ADRA1B: variants seen among roughly 807,000 people sequenced by gnomAD.
The protein encoded by ADRA1B is adrenoceptor alpha 1B, also known as alpha-1B adrenergic receptor.
ADRA1B carries 17 observed loss-of-function variants against 17.9 expected under a neutral mutation model. The observed-to-expected ratio is 0.95, with a 90% confidence interval of 0.65 to 1.42. The LOEUF is 1.42. Ranked by LOEUF, ADRA1B falls within the 40% of genes most tolerant of loss-of-function variation. The probability of loss-of-function intolerance (pLI) is 0.00; values close to 1 mark genes in which losing one functional copy is unlikely to be tolerated. For synonymous variants in ADRA1B, 366 were observed against 327.6 expected (o/e 1.12, Z -1.27); for missense variants, 681 against 722.1 (o/e 0.94, Z 0.65).
intron 1 of ADRA1B, among the ~76,000 whole-genome samples, chr5:159,961,692 G>A (rs1423811660): frequency 1.4e-4 from 22 of 152,268 alleles, no homozygotes; most frequent in Non-Finnish European, 4.4e-5. Context: ...GATCAAAACA[G>A]TTTCTCCACC....
intron 1 of ADRA1B, among the ~76,000 whole-genome samples, chr5:159,946,075 G>C (rs1755266052): frequency 6.6e-6 from 1 of 152,188 alleles, no homozygotes; most frequent in Non-Finnish European, 1.5e-5. Context: ...ACTTCATTGG[G>C]TAAGTGGAGG....
chr5:159,935,486 A>C (rs1162178037), intron 1 of ADRA1B, among the ~76,000 whole-genome samples: 5 of 150,912 alleles, frequency 3.3e-5, no homozygotes, highest in African/African-American at 1.2e-4. Context: ...CATCTCATTC[A>C]CCTCTCTCCT....
chr5:159,906,456 G>T (rs1754161683), intron 1 of ADRA1B, among the ~76,000 whole-genome samples: 1 of 152,180 alleles, frequency 6.6e-6, no homozygotes, highest in Non-Finnish European at 1.5e-5. Flanking sequence ...TCAAAATGTA[G>T]TCTTCTGCAA....
chr5:159,976,788 A>C (rs139167493), downstream of ADRA1B, among the ~76,000 whole-genome samples: 4 of 152,344 alleles, frequency 2.6e-5, no homozygotes, highest in African/African-American at 9.6e-5. Context: ...TGGGTAAGGG[A>C]AGCATACATG....
intron 1 of ADRA1B, chr5:159,868,017 T>C (rs1370102534): frequency 6.6e-6 from 1 of 152,206 alleles, no homozygotes; most frequent in Non-Finnish European, 1.5e-5. Flanking sequence ...ATGGCCTCTG[T>C]TCTATAAGAA....
chr5:159,969,956 T>G (rs567653638), intron 1 of ADRA1B, among the ~76,000 whole-genome samples: 1 of 152,310 alleles, frequency 6.6e-6, no homozygotes, highest in South Asian at 2.1e-4. Context: ...CACATTTTTA[T>G]TCAAATAGAA....
intron 1 of ADRA1B, among the ~76,000 whole-genome samples, chr5:159,872,046 C>T (rs1690408381): frequency 6.6e-6 from 1 of 152,112 alleles, no homozygotes; most frequent in Non-Finnish European, 1.5e-5. Flanking sequence ...TTTTCATGTC[C>T]TAATCAAAAT....
intron 1 of ADRA1B, chr5:159,948,399 C>CA: frequency 1.0e-6 from 1 of 985,390 alleles, no homozygotes; most frequent in Non-Finnish European, 1.2e-6. Context: ...GGAACCTTCA[C>CA]AAAAATGATG....
chr5:159,963,359 T>A (rs1185858165), intron 1 of ADRA1B, among the ~76,000 whole-genome samples: 5 of 151,264 alleles, frequency 3.3e-5, no homozygotes, highest in Admixed American at 3.3e-4. Context: ...TGCATTGTGG[T>A]GATTAAGAGC....
At chr5:159,933,069 T>C (rs994795221) in intron 1 of ADRA1B, among the ~76,000 whole-genome samples, 1 of 152,216 alleles carries the variant, frequency 6.6e-6, no homozygotes, top group African/African-American at 2.4e-5. Flanking sequence ...TTATATCAAT[T>C]TGCATTTCAA....
At chr5:159,945,736 GT>G (rs1231519561) in intron 1 of ADRA1B, among the ~76,000 whole-genome samples, 1 of 147,008 alleles carries the variant, frequency 6.8e-6, no homozygotes, top group African/African-American at 2.4e-5. Flanking sequence ...TTTCTGGTGG[GT>G]TTTTTTGTTT....
intron 1 of ADRA1B, among the ~76,000 whole-genome samples, chr5:159,967,418 G>T (rs1267334260): frequency 6.6e-6 from 1 of 152,182 alleles, no homozygotes; most frequent in Non-Finnish European, 1.5e-5. Context: ...TCCTGGAAGA[G>T]AATGGGTCAG....
chr5:159,889,193 T>G (rs1191592404), intron 1 of ADRA1B, among the ~76,000 whole-genome samples: 1 of 152,132 alleles, frequency 6.6e-6, no homozygotes, highest in East Asian at 1.9e-4. Flanking sequence ...CCAGGACCTG[T>G]GATGCACCTC....
the ADRA1B span, among the ~76,000 whole-genome samples, chr5:159,983,744 G>A: frequency 6.6e-6 from 1 of 152,200 alleles, no homozygotes; most frequent in East Asian, 1.9e-4. Context: ...GTGGGTCTCT[G>A]GGGGCAGAGA....
intron 1 of ADRA1B, among the ~76,000 whole-genome samples, chr5:159,887,287 A>G (rs1466419797): frequency 1.3e-5 from 2 of 152,248 alleles, no homozygotes; most frequent in Non-Finnish European, 2.9e-5. Context: ...GCTCAACTAA[A>G]TAGAGCCAAT....
chr5:159,975,229 GCCT>G (rs1196719580), downstream of ADRA1B, among the ~76,000 whole-genome samples: 1 of 152,164 alleles, frequency 6.6e-6, no homozygotes, highest in Admixed American at 6.5e-5. Context: ...AGCCTCCTCA[GCCT>G]CCTCCTCTTC....
chr5:159,945,902 C>G (rs1379401225), intron 1 of ADRA1B, among the ~76,000 whole-genome samples: 1 of 152,138 alleles, frequency 6.6e-6, no homozygotes, highest in Non-Finnish European at 1.5e-5. Context: ...CGCCCGCCAC[C>G]ATGCCTGGCT....
intron 1 of ADRA1B, among the ~76,000 whole-genome samples, chr5:159,935,792 T>C (rs530672479): frequency 9.7e-4 from 148 of 152,226 alleles, no homozygotes; most frequent in African/African-American, 3.5e-3. Context: ...AGTGATCCGC[T>C]CGCCTCAGCC....
At chr5:159,927,721 A>G (rs1285447555) in intron 1 of ADRA1B, among the ~76,000 whole-genome samples, 1 of 152,154 alleles carries the variant, frequency 6.6e-6, no homozygotes, top group Non-Finnish European at 1.5e-5. Flanking sequence ...AACAATAAAA[A>G]TGTCTCCCTG....
Sources: gnomAD v4.1 joint callset for allele counts (sites outside exome capture counted in the v4.1 genomes callset) on GRCh38, gnomAD v4.1.1 for gene constraint, MANE v1.5 for transcripts, NCBI Gene and HGNC (gene_info 2026-07-23, HGNC 2026-07-21) for gene names.